Variants in MIPOL1 observed in about 807,000 individuals in gnomAD.
MIPOL1 encodes mirror-image polydactyly gene 1 protein.
Under a neutral mutation model 60.9 loss-of-function variants are expected in MIPOL1, and 57 were observed. The observed-to-expected ratio is 0.94, with a 90% CI of 0.76 to 1.17. The LOEUF (loss-of-function observed/expected upper bound fraction) is 1.17, where lower values mean the gene tolerates loss of function less well. MIPOL1 is among the 50% of genes most tolerant of loss of function. MIPOL1 has a pLI of 0.00. For missense variants in MIPOL1, 551 were observed against 511.6 expected (o/e 1.08, Z -0.74); for synonymous variants, 179 against 168.8 (o/e 1.06, Z -0.47).
At chr14:37,511,967 T>G (rs2095331372) in intron 12 of MIPOL1, among the ~76,000 whole-genome samples, 1 of 152,166 alleles carries the variant, frequency 6.6e-6, no homozygotes, top group South Asian at 2.1e-4. Flanking sequence ...CTCAAGAACT[T>G]TCATGCTTTC....
intron 11 of MIPOL1, among the ~76,000 whole-genome samples, chr14:37,479,036 T>A (rs1323353619): frequency 1.3e-5 from 2 of 152,066 alleles, no homozygotes; most frequent in Non-Finnish European, 2.9e-5. Context: ...AGTGGAGAGA[T>A]AAATTGCAAC....
At chr14:37,299,781 T>C (rs2153427529) in intron 7 of MIPOL1, among the ~76,000 whole-genome samples, 1 of 152,210 alleles carries the variant, frequency 6.6e-6, no homozygotes, top group African/African-American at 2.4e-5. Flanking sequence ...AACTGTATAC[T>C]TTCTTTGGAT....
chr14:37,310,148 C>G (rs770401557), intron 9 of MIPOL1, among the ~76,000 whole-genome samples: 20 of 151,408 alleles, frequency 1.3e-4, no homozygotes, highest in Non-Finnish European at 2.5e-4. Flanking sequence ...TCTTTGCCCT[C>G]TTCCTTTGTC....
chr14:37,224,840 G>A (rs1594574662), intron 1 of MIPOL1, among the ~76,000 whole-genome samples: 1 of 152,202 alleles, frequency 6.6e-6, no homozygotes, highest in Admixed American at 6.5e-5. Context: ...CTGTTACAAG[G>A]AAAGTCCCTT....
chr14:37,531,092 A>C (rs1041707085), intron 12 of MIPOL1, among the ~76,000 whole-genome samples: 4 of 152,110 alleles, frequency 2.6e-5, no homozygotes, highest in African/African-American at 4.8e-5. Context: ...TGCTGGGATT[A>C]CAGGCGTGAA....
intron 10 of MIPOL1, among the ~76,000 whole-genome samples, chr14:37,381,378 C>T (rs922882502): frequency 6.6e-6 from 1 of 151,944 alleles, no homozygotes; most frequent in African/African-American, 2.4e-5. Flanking sequence ...TTTCGTATTA[C>T]AATGGCCAAA....
At chr14:37,303,468 T>C (rs1008706651) in intron 7 of MIPOL1, among the ~76,000 whole-genome samples, 4 of 151,950 alleles carry the variant, frequency 2.6e-5, no homozygotes, top group African/African-American at 9.7e-5. Context: ...TTATTCTATC[T>C]CTTTAACTAA....
chr14:37,340,521 G>A (rs1438484453), intron 9 of MIPOL1, among the ~76,000 whole-genome samples: 2 of 151,924 alleles, frequency 1.3e-5, no homozygotes, highest in African/African-American at 4.8e-5. Context: ...ACCAGCCTGG[G>A]CAACATAGTG....
intron 9 of MIPOL1, among the ~76,000 whole-genome samples, chr14:37,344,613 C>T (rs570977171): frequency 6.6e-6 from 1 of 152,190 alleles, no homozygotes; most frequent in East Asian, 1.9e-4. Flanking sequence ...TGTTACTATA[C>T]TAATAATTTC....
chr14:37,251,665 A>G (rs912717681), intron 3 of MIPOL1, among the ~76,000 whole-genome samples: 1 of 152,076 alleles, frequency 6.6e-6, no homozygotes, highest in Admixed American at 6.6e-5. Context: ...ACTTATATAC[A>G]TAACTATGTA....
At position 37,541,608 on chromosome 14, in the gene MIPOL1, C is replaced by T. The variant is rs143974791; in HGVS notation, c.1263-5297C>T. Among the ~76,000 whole-genome samples the T allele has an allele frequency of 2.5e-3, 384 of 152,214 alleles. 1 individual carries two copies. Among genetic ancestry groups the T allele is most frequent in the Non-Finnish European group, 4.0e-3 (275 of 67,996 alleles). On this transcript the variant is annotated intron_variant, in intron 12 of 12. Coordinates refer to ENST00000684589, the MANE Select transcript of MIPOL1 (RefSeq NM_001388067.1). ...CACCTCCCTTTCTTGTCCTATTAAACCCTCACTATTCTTTTTCAGCCTTTT... is the reference window on the plus strand; with the variant it reads ...CACCTCCCTTTCTTGTCCTATTAAATCCTCACTATTCTTTTTCAGCCTTTT...
At chr14:37,369,801 C>T (rs1955931) in intron 10 of MIPOL1, 177 bp downstream of exon 10, 384,549 of 386,708 alleles carry the variant, frequency 0.99, 191,240 homozygotes, top group Middle Eastern at 1. Flanking sequence ...TTTTATTTCA[C>T]GTATGTGTAC....
At chr14:37,285,275 T>C in intron 6 of MIPOL1, 43 bp from the exon 7 acceptor site, 1 of 1,610,680 alleles carries the variant, frequency 6.2e-7, no homozygotes, top group Non-Finnish European at 8.5e-7. Flanking sequence ...ACATTTGTCC[T>C]TTATTTTGTA....
chr14:37,265,843 A>G (rs1320497013), intron 3 of MIPOL1, among the ~76,000 whole-genome samples: 3 of 152,118 alleles, frequency 2.0e-5, no homozygotes, highest in East Asian at 1.9e-4. Context: ...AAGAGTATGG[A>G]TAGTCTGATT....
chr14:37,506,312 A>G (rs2095275965), intron 12 of MIPOL1: 1 of 152,202 alleles, frequency 6.6e-6, no homozygotes, highest in Admixed American at 6.5e-5. Context: ...AGCAAAAACA[A>G]CAAAGCTGGA....
intron 9 of MIPOL1, among the ~76,000 whole-genome samples, chr14:37,310,598 C>T (rs1200553868): frequency 1.3e-5 from 2 of 152,142 alleles, no homozygotes; most frequent in East Asian, 3.9e-4. Flanking sequence ...ATCGCTTAAC[C>T]ACTTGTTCCT....
intron 7 of MIPOL1, among the ~76,000 whole-genome samples, chr14:37,290,198 C>T (rs886383368): frequency 5.9e-5 from 9 of 152,152 alleles, no homozygotes; most frequent in East Asian, 1.9e-4. Flanking sequence ...TTGACAGATT[C>T]CCCATCCCCT....
intron 10 of MIPOL1, among the ~76,000 whole-genome samples, 172 bp from the exon 11 acceptor site, chr14:37,422,683 T>C (rs2153551127): frequency 6.6e-6 from 1 of 152,054 alleles, no homozygotes; most frequent in East Asian, 1.9e-4. Flanking sequence ...TTAGTGTTTG[T>C]ATTATTAATG....
At chr14:37,223,534 C>G (rs1187176402) in intron 1 of MIPOL1, among the ~76,000 whole-genome samples, 2 of 151,610 alleles carry the variant, frequency 1.3e-5, no homozygotes, top group African/African-American at 2.4e-5. Flanking sequence ...TGGAGTGTCA[C>G]TCTCATTGCC....
Sources: allele counts gnomAD v4.1 joint callset (sites outside exome capture counted in the v4.1 genomes callset), GRCh38; gene constraint gnomAD v4.1.1; transcripts MANE v1.5; gene names NCBI Gene and HGNC (gene_info 2026-07-23, HGNC 2026-07-21).